Variants in NDUFA10 observed in about 807,000 individuals in gnomAD.
The protein encoded by NDUFA10 is NADH dehydrogenase [ubiquinone] 1 alpha subcomplex subunit 10, mitochondrial.
In NDUFA10, 40 loss-of-function variants were observed where a neutral mutation model predicts 47.8. The observed-to-expected ratio is 0.84, with a 90% CI of 0.65 to 1.09. The LOEUF (loss-of-function observed/expected upper bound fraction) is 1.09, where lower values mean the gene tolerates loss of function less well. NDUFA10 is among the 50% of genes least tolerant of loss of function. The pLI, the probability that NDUFA10 is intolerant of heterozygous loss-of-function variation, is 0.00. For synonymous variants in NDUFA10, 183 were observed against 172.2 expected (o/e 1.06, Z -0.49); for missense variants, 413 against 451.1 (o/e 0.92, Z 0.76).
chr2:240,001,404 T>C (rs942010013), intron 8 of NDUFA10, among the ~76,000 whole-genome samples: 3 of 152,234 alleles, frequency 2.0e-5, no homozygotes, highest in African/African-American at 7.2e-5. Context: ...GTACTTATGA[T>C]ATATACACAT....
chr2:240,021,079 G>A (rs1199423377), intron 3 of NDUFA10, 118 bp downstream of exon 3: 1 of 813,714 alleles, frequency 1.2e-6, no homozygotes, highest in Non-Finnish European at 2.1e-6. Context: ...TGGAAAGACA[G>A]AACTCACCTC....
rs1444710966 is a variant in NDUFA10, at chr2:240,025,340, C to G, written c.-39G>C. The G allele has an allele frequency of 2.0e-6, 3 of 1,468,962 alleles. No homozygotes were observed. The highest frequency in any genetic ancestry group is 9.0e-7 in the Non-Finnish European group (1 of 1,110,340). 91.0% of individuals were successfully genotyped at this position (1,468,962 alleles called of 1,614,324 possible). Reference sequence around the variant, plus strand: ...GCTCAGGATCAAGGACCCAAGGGGACGCGGTCGCGACGGGGCCCTCTCTCG... The same window carrying G: ...GCTCAGGATCAAGGACCCAAGGGGAGGCGGTCGCGACGGGGCCCTCTCTCG... On this transcript the variant is annotated 5_prime_UTR_variant, in exon 1 of 10. Transcript: ENST00000252711.
intron 8 of NDUFA10, among the ~76,000 whole-genome samples, chr2:239,992,690 AG>A (rs1389490980): frequency 6.6e-6 from 1 of 152,212 alleles, no homozygotes; most frequent in Non-Finnish European, 1.5e-5. Context: ...GTGTCCTCGG[AG>A]GTCCTGACTG....
At chr2:240,009,258 G>A (rs757097126) in intron 6 of NDUFA10, among the ~76,000 whole-genome samples, 9 of 152,304 alleles carry the variant, frequency 5.9e-5, no homozygotes, top group South Asian at 2.1e-4. Context: ...CAGAGGTGAC[G>A]ATTCTTTCTC....
intron 5 of NDUFA10, chr2:240,014,309 G>A (rs1347793197): frequency 3.5e-6 from 1 of 284,340 alleles, no homozygotes; most frequent in Non-Finnish European, 6.9e-6. Flanking sequence ...GAAAAAGGGG[G>A]AGAGGCACGA....
intron 4 of NDUFA10, among the ~76,000 whole-genome samples, chr2:239,919,557 T>C (rs1213546413): frequency 6.6e-6 from 1 of 152,114 alleles, no homozygotes; most frequent in African/African-American, 2.4e-5. Context: ...TTAAGGCTCA[T>C]ACAGAAACAG....
rs1694746373 is a variant in NDUFA10 at position 239,959,197 on chromosome 2, C to T, written c.*1921G>A. On this transcript the variant is annotated 3_prime_UTR_variant, in exon 10 of 10. Transcript: ENST00000252711. Reference sequence around the variant, plus strand: ...GAATGCAACCACACAGGGTCAGACGCAAACACAGGGGATGATCAGAGCACC... The same window carrying T: ...GAATGCAACCACACAGGGTCAGACGTAAACACAGGGGATGATCAGAGCACC... The T allele has an allele frequency of 1.0e-6, 1 of 984,358 alleles. No homozygotes were observed. Among genetic ancestry groups the T allele is most frequent in the Non-Finnish European group, 1.2e-6 (1 of 829,476 alleles). The allele number at this position is 984,358 out of a possible 1,614,324, so 61.0% of individuals were successfully genotyped here.
At chr2:240,003,392 G>T (rs957170865) in intron 8 of NDUFA10, among the ~76,000 whole-genome samples, 1 of 152,204 alleles carries the variant, frequency 6.6e-6, no homozygotes, top group Non-Finnish European at 1.5e-5. Context: ...GAGGGAAGTT[G>T]AGTGCCCCGG....
chr2:239,940,302 T>A (rs533329764), intron 4 of NDUFA10, among the ~76,000 whole-genome samples: 6 of 152,218 alleles, frequency 3.9e-5, no homozygotes, highest in African/African-American at 7.2e-5. Flanking sequence ...GCTAAAACAC[T>A]GGCAGTCACT....
At position 239,945,414 on chromosome 2, in the gene NDUFA10, C is replaced by T. The variant is rs1021445650; in HGVS notation, c.294+44660G>A. Among the ~76,000 whole-genome samples the T allele has an allele frequency of 2.0e-5, 3 of 152,198 alleles. No homozygotes were observed. The highest frequency in any genetic ancestry group is 6.5e-5 in the Admixed American group (1 of 15,292). On this transcript the variant is annotated intron_variant, in intron 4 of 5. Transcript: ENST00000419408. This position sits in a 1 kb window ranked among gnomAD's most constrained non-coding sequence, Gnocchi z 4.6. ...CCAGACCAAGCTCCTCACCTCTGAGCGTCGCTCCAGCTCCTTTCAAAGACG... is the reference window on the plus strand; with the variant it reads ...CCAGACCAAGCTCCTCACCTCTGAGTGTCGCTCCAGCTCCTTTCAAAGACG...
rs1407766791 is a variant in NDUFA10, at chr2:239,899,023, T to A, written c.295-3709A>T. Among the ~76,000 whole-genome samples, 42 of 84,572 alleles carry A rather than the reference T, an allele frequency of 5.0e-4. 2 individuals carry two copies. The highest frequency in any genetic ancestry group is 7.2e-3 in the Middle Eastern group (1 of 138). The allele number at this position is 84,572 out of a possible 152,430, so 55.5% of individuals were successfully genotyped here. ...GGAGAGGTGTGATGGAGGGGAGTCA[T>A]GGAGGGGTGTAAAGGAGGGGTGTGA... is the stretch of plus-strand genomic sequence containing the variant. On this transcript the variant is annotated intron_variant, in intron 4 of 5. Coordinates refer to the NDUFA10 transcript ENST00000419408.
At chr2:239,961,256 T>C in intron 9 of NDUFA10, 70 bp from the exon 10 acceptor site, 6 of 1,611,002 alleles carry the variant, frequency 3.7e-6, no homozygotes, top group African/African-American at 1.3e-5. Flanking sequence ...CATAGTTCAA[T>C]GTCTACCCGG....
Position 239,958,129 on chromosome 2 carries a change from T to C in NDUFA10, c.*2989A>G, listed in dbSNP as rs563489107. On this transcript the variant is annotated 3_prime_UTR_variant, in exon 10 of 10. Transcript: ENST00000252711. The stretch of plus-strand genomic sequence containing the variant: ...CATTCATGGAATTCTGGCCAGCCAG[T>C]GGCTGATGCCTACACAAGCTTTTCT... The C allele has an allele frequency of 9.8e-5, 15 of 152,330 alleles. No individual in the cohort carries two copies. Among genetic ancestry groups the C allele is most frequent in the Admixed American group, 7.2e-4 (11 of 15,302 alleles). 9.4% of individuals were successfully genotyped at this position (152,330 alleles called of 1,614,324 possible).
chr2:239,989,992 C>T lies in NDUFA10; in HGVS notation c.999+82G>A, dbSNP rs1276964410. ...ACAAAACACAGCAACAACAAAAACT[C>T]CTTTCTGGAGAAGTGACTGCATTGT... On this transcript the variant is annotated intron_variant, in intron 9 of 9. Transcript: ENST00000252711. The T allele has an allele frequency of 3.9e-6, 4 of 1,021,610 alleles. No individual in the cohort carries two copies. In the East Asian group the frequency reaches 7.1e-5, roughly 18 times the overall value. 63.3% of individuals were successfully genotyped at this position (1,021,610 alleles called of 1,614,324 possible).
chr2:239,983,682 G>C (rs1695879397), intron 9 of NDUFA10: 1 of 1,575,462 alleles, frequency 6.3e-7, no homozygotes, highest in African/African-American at 1.4e-5. Context: ...TCACCTCTGT[G>C]GATTCCTCCC....
downstream of NDUFA10, chr2:239,957,355 A>G (rs1017983529): frequency 6.6e-6 from 1 of 152,230 alleles, no homozygotes; most frequent in Admixed American, 6.5e-5. Flanking sequence ...GATTTTTAAT[A>G]TAATCACCAG....
chr2:240,020,228 C>A (rs1259028487), intron 3 of NDUFA10, among the ~76,000 whole-genome samples: 4 of 152,194 alleles, frequency 2.6e-5, no homozygotes, highest in Non-Finnish European at 5.9e-5. Context: ...CCCCATGAAG[C>A]CAACCCTAGT....
chr2:239,935,432 G>A (rs1008792188), intron 4 of NDUFA10, among the ~76,000 whole-genome samples: 4 of 152,208 alleles, frequency 2.6e-5, no homozygotes, highest in Admixed American at 6.5e-5. Context: ...CCGTGTGGGG[G>A]TCAGAGATCG....
At chr2:239,926,205 G>A (rs78613160) in intron 4 of NDUFA10, among the ~76,000 whole-genome samples, 9,015 of 152,236 alleles carry the variant, frequency 0.059, 350 homozygotes, top group East Asian at 0.11. Context: ...TGTTCATAGC[G>A]GCTTTATTCA....
Sources: allele counts gnomAD v4.1 joint callset (sites outside exome capture counted in the v4.1 genomes callset), GRCh38; gene constraint gnomAD v4.1.1; non-coding constraint Gnocchi (gnomAD v3.1); transcripts MANE v1.5; gene names NCBI Gene and HGNC (gene_info 2026-07-23, HGNC 2026-07-21).